The following PIK3C2A variants were observed in gnomAD, a reference collection of about 807,000 sequenced individuals.
PIK3C2A encodes the protein phosphatidylinositol 4-phosphate 3-kinase C2 domain-containing subunit alpha.
Under a neutral mutation model 204.5 loss-of-function variants are expected in PIK3C2A, and 97 were observed. The ratio of observed to expected loss-of-function variants is 0.47; its 90% CI spans 0.40 to 0.56. PIK3C2A has a LOEUF of 0.56. PIK3C2A is among the 20% of genes least tolerant of loss of function. The pLI is 0.00. For synonymous variants in PIK3C2A, 653 were observed against 664.4 expected (o/e 0.98, Z 0.26); for missense variants, 1,735 against 1,969.2 (o/e 0.88, Z 2.25).
intron 27 of PIK3C2A, among the ~76,000 whole-genome samples, chr11:17,095,606 TA>T (rs917662185): frequency 1.3e-5 from 2 of 149,628 alleles, no homozygotes; most frequent in Admixed American, 1.3e-4. Context: ...AATAAAAAAA[TA>T]AAAAAATAAA....
intron 8 of PIK3C2A, among the ~76,000 whole-genome samples, chr11:17,137,817 C>T (rs574456521): frequency 1.4e-4 from 21 of 152,192 alleles, no homozygotes; most frequent in Admixed American, 3.3e-4. Context: ...AAACATTTCT[C>T]TTTGCCAAGC....
Position 17,181,494 on chromosome 11 carries a change from G to A in PIK3C2A, c.-65-11688C>T, listed in dbSNP as rs552564571. Among the ~76,000 whole-genome samples, 166 of 151,494 alleles carry A rather than the reference G, an allele frequency of 1.1e-3. 1 individual carries two copies. Among genetic ancestry groups the A allele is most frequent in the East Asian group, 7.6e-3 (39 of 5,142 alleles). ...CACATATACACACACGTAAGGCGCT[G>A]GGTGTGGCATGCCCGTAGTCCCAGC... is the stretch of plus-strand genomic sequence containing the variant. On this transcript the variant is annotated intron_variant, in intron 1 of 32. Coordinates refer to ENST00000691414, the MANE Select transcript of PIK3C2A (RefSeq NM_002645.4).
At chr11:17,100,089 G>GCT in intron 25 of PIK3C2A, 120 bp from the exon 26 acceptor site, 8 of 559,110 alleles carry the variant, frequency 1.4e-5, no homozygotes, top group East Asian at 2.9e-5. Flanking sequence ...CAGTCTTGAG[G>GCT]GGTTCATTAG....
rs2137448512 is a variant in PIK3C2A, at chr11:17,155,569, C to T, written c.1126G>A (p.Val376Ile). The change falls in exon 3 of 33, where the codon GTA (valine) becomes ATA (isoleucine). Residue 376 changes from valine (V) to isoleucine (I), a missense_variant. This residue lies in a region of PIK3C2A where 536 missense variants were observed against 546.7 expected (regional missense o/e 0.98). Transcript: ENST00000691414. ...TGSSLLQEVE[V>I]QNEEMAAFCR... ...AAAGCTGCCATCTCCTCATTCTGTA[C>T]TTCAACTTCTTGAAGAAGAGAACTT... 2 of 1,607,936 alleles carry T rather than the reference C, an allele frequency of 1.2e-6. No homozygotes were observed. The highest frequency in any genetic ancestry group is 1.7e-6 in the Non-Finnish European group (2 of 1,175,456).
Position 17,092,221 on chromosome 11 carries a change from T to C in PIK3C2A, c.4507A>G (p.Arg1503Gly). 6.2e-7 allele frequency: 1 copy of C among 1,607,936 alleles called. No homozygotes were observed. Among genetic ancestry groups the C allele is most frequent in the South Asian group, 1.1e-5 (1 of 90,964 alleles). ...AAGTAACTGTTTAACTCAATTTTCC[T>C]TTTGGCTGCTACATCTTTTATGTGT... ...RTHIKDVAAKRKIELNSYLQS... is the reference protein window; with the variant it reads ...RTHIKDVAAKGKIELNSYLQS... Residue 1503 changes from arginine to glycine, a missense_variant, in exon 29 of 33, where the codon AGG becomes GGG. Transcript: ENST00000691414.
intron 1 of PIK3C2A, among the ~76,000 whole-genome samples, chr11:17,202,950 A>AT (rs973663011): frequency 2.0e-5 from 3 of 152,230 alleles, no homozygotes; most frequent in African/African-American, 7.2e-5. Context: ...AACAGTAAGC[A>AT]TGTTAATTAT....
At position 17,168,961 on chromosome 11, in the gene PIK3C2A, T is replaced by C. The variant is rs1851065506; in HGVS notation, c.781A>G (p.Lys261Glu). ...TCAAATTTACTGATATCCTCAGACT[T>C]TGGAGATACCTGTAGATTGCTGACT... ...SKVSNLQVSP[K>E]SEDISKFDWL... Residue 261 changes from lysine to glutamate, a missense_variant, in exon 2 of 33, where the codon AAG becomes GAG. Around this residue, in one of 6 missense-constraint regions of PIK3C2A, gnomAD observed 536 missense variants for 546.7 expected, o/e 0.98. Coordinates refer to ENST00000691414, the MANE Select transcript of PIK3C2A (RefSeq NM_002645.4). 1.2e-6 allele frequency: 2 copies of C among 1,614,044 alleles called. No individual in the cohort carries two copies. The highest frequency in any genetic ancestry group is 8.5e-7 in the Non-Finnish European group (1 of 1,180,042).
rs571013154 is a variant in PIK3C2A at position 17,087,250 on chromosome 11, C to T, written c.*2488G>A. 7.9e-5 allele frequency: 12 copies of T among 152,224 alleles called. No homozygotes were observed. The highest frequency in any genetic ancestry group is 8.8e-5 in the Non-Finnish European group (6 of 67,996). The allele number at this position is 152,224 out of a possible 1,614,324, so 9.4% of individuals were successfully genotyped here. ...ACTTTTTTTAGATTTACTTTAATGT[C>T]AGCTTTTAAAAAATGCTTAAAAATC... On this transcript the variant is annotated 3_prime_UTR_variant, in exon 33 of 33. Coordinates refer to ENST00000691414, the MANE Select transcript of PIK3C2A (RefSeq NM_002645.4).
intron 4 of PIK3C2A, 47 bp downstream of exon 4, chr11:17,150,451 T>TCC: frequency 6.9e-7 from 1 of 1,456,434 alleles, no homozygotes; most frequent in Non-Finnish European, 9.1e-7. Flanking sequence ...TTTAAACATT[T>TCC]CCCCCTAACA....
intron 2 of PIK3C2A, among the ~76,000 whole-genome samples, chr11:17,161,488 GATCT>G (rs1850774129): frequency 6.6e-6 from 1 of 152,130 alleles, no homozygotes; most frequent in South Asian, 2.1e-4. Flanking sequence ...ACAATAATTT[GATCT>G]ATTATAAAAT....
intron 4 of PIK3C2A, among the ~76,000 whole-genome samples, chr11:17,149,524 T>C (rs1473551209): frequency 2.6e-5 from 4 of 152,132 alleles, no homozygotes; most frequent in Non-Finnish European, 5.9e-5. Context: ...TGATTTAAAA[T>C]GAATTATAAG....
chr11:17,091,939 G>T, intron 30 of PIK3C2A, 57 bp downstream of exon 30: 1 of 1,054,402 alleles, frequency 9.5e-7, no homozygotes, highest in South Asian at 1.3e-5. Context: ...CATTCATCGA[G>T]AAGTTACAGA....
At chr11:17,095,783 C>T (rs1388071022) in intron 27 of PIK3C2A, among the ~76,000 whole-genome samples, 1 of 150,946 alleles carries the variant, frequency 6.6e-6, no homozygotes, top group East Asian at 2.0e-4. Flanking sequence ...GGTGTGCTGG[C>T]GCATGCCTGT....
chr11:17,168,529 C>T (rs888608338), intron 2 of PIK3C2A, 148 bp downstream of exon 2: 9 of 597,254 alleles, frequency 1.5e-5, no homozygotes, highest in East Asian at 5.9e-5. Context: ...TGCAGTGAGC[C>T]GAAATCACGC....
At chr11:17,176,537 T>C (rs957842942) in intron 1 of PIK3C2A, among the ~76,000 whole-genome samples, 12 of 151,938 alleles carry the variant, frequency 7.9e-5, no homozygotes, top group Admixed American at 3.9e-4. Context: ...TCCCAGCACT[T>C]TGAGGCTTTG....
At chr11:17,103,083 T>C (rs969035823) in intron 23 of PIK3C2A, among the ~76,000 whole-genome samples, 1 of 151,904 alleles carries the variant, frequency 6.6e-6, no homozygotes, top group Admixed American at 6.5e-5. Flanking sequence ...TACCAGTCCC[T>C]ACTTAGGTAC....
chr11:17,151,957 A>G (rs1411229942), intron 3 of PIK3C2A, among the ~76,000 whole-genome samples: 1 of 152,164 alleles, frequency 6.6e-6, no homozygotes, highest in Non-Finnish European at 1.5e-5. Flanking sequence ...ATAAAATGTT[A>G]GAGAATTTTT....
rs771863325 is a variant in PIK3C2A at position 17,094,350 on chromosome 11, A to C, written c.4362T>G (p.Ile1454Met). ...YVVRILREGQ[I>M]EPSFVFRTFD... ...ATGTTCGGAAGACAAATGATGGTTC[A>C]ATCTGTCCTTCCCTCAAAATTCGGA... is the stretch of plus-strand genomic sequence containing the variant. Residue 1454 changes from isoleucine to methionine, a missense_variant, in exon 28 of 33, where the codon ATT becomes ATG. By Grantham distance (10) the Ile-to-Met change is conservative. Transcript: ENST00000691414. 1.9e-6 allele frequency: 3 copies of C among 1,609,072 alleles called. No homozygotes were observed. The highest frequency in any genetic ancestry group is 2.6e-6 in the Non-Finnish European group (3 of 1,175,520).
intron 13 of PIK3C2A, among the ~76,000 whole-genome samples, chr11:17,124,385 T>C (rs1244475018): frequency 2.6e-5 from 4 of 152,088 alleles, no homozygotes; most frequent in African/African-American, 9.7e-5. Flanking sequence ...GTCCCATAAA[T>C]GATGTTTTTT....
Sources: gnomAD v4.1 joint callset for allele counts (sites outside exome capture counted in the v4.1 genomes callset) on GRCh38, gnomAD v4.1.1 for gene constraint, gnomAD v4.1.1 regional missense constraint, MANE v1.5 for transcripts, NCBI Gene and HGNC (gene_info 2026-07-23, HGNC 2026-07-21) for gene names.